MSRA: variants seen among roughly 807,000 people sequenced by gnomAD.
MSRA encodes mitochondrial peptide methionine sulfoxide reductase.
MSRA carries 54 observed loss-of-function variants against 31.3 expected under a neutral mutation model. The observed-to-expected ratio is 1.73, with a 90% CI of 1.39 to 2.17. MSRA has a LOEUF of 2.17. MSRA is among the 30% of genes most tolerant of loss of function. The pLI, the probability that MSRA is intolerant of heterozygous loss-of-function variation, is 0.00. For missense variants in MSRA, 507 were observed against 300.9 expected (o/e 1.69, Z -5.07); for synonymous variants, 169 against 116.5 (o/e 1.45, Z -2.90).
chr8:10,303,074 C>T (rs1055416081), intron 4 of MSRA, among the ~76,000 whole-genome samples: 5 of 152,204 alleles, frequency 3.3e-5, no homozygotes, highest in African/African-American at 1.2e-4. Flanking sequence ...AGCCATTTGA[C>T]TGTCAAAGTC....
chr8:10,065,394 T>C (rs1797406848), intron 1 of MSRA, among the ~76,000 whole-genome samples: 2 of 152,228 alleles, frequency 1.3e-5, no homozygotes, highest in South Asian at 4.1e-4. Context: ...TTTTTTTTCT[T>C]CAGGCTTATG....
intron 5 of MSRA, among the ~76,000 whole-genome samples, chr8:10,377,324 C>T (rs761659380): frequency 1.3e-5 from 2 of 152,264 alleles, no homozygotes; most frequent in Non-Finnish European, 2.9e-5. Context: ...CTGCCAGCAT[C>T]TACGTGGGAC....
chr8:10,190,820 T>A (rs1161092935), intron 1 of MSRA, among the ~76,000 whole-genome samples: 1 of 152,220 alleles, frequency 6.6e-6, no homozygotes, highest in Non-Finnish European at 1.5e-5. Context: ...TGTGTTCAAC[T>A]GGTATTTTTT....
In MSRA at chr8:10,407,961, T is replaced by A. The variant is rs192236602; in HGVS notation, c.544-20187T>A. Among the ~76,000 whole-genome samples, 22 of 152,336 alleles carry A rather than the reference T, an allele frequency of 1.4e-4. No homozygotes were observed. The East Asian group carries it at 4.2e-3, about 29-fold the overall frequency. On this transcript the variant is annotated intron_variant, in intron 5 of 5. Coordinates refer to ENST00000317173, the MANE Select transcript of MSRA (RefSeq NM_012331.5). Reference sequence around the variant, plus strand: ...AGATGCACCGAATCTTTGAGTAGGTTAATAGGATTGCAAAGAAGAACCAAT... The same window carrying A: ...AGATGCACCGAATCTTTGAGTAGGTAAATAGGATTGCAAAGAAGAACCAAT...
intron 3 of MSRA, among the ~76,000 whole-genome samples, chr8:10,290,091 A>T (rs1157320562): frequency 6.6e-6 from 1 of 152,206 alleles, no homozygotes; most frequent in Admixed American, 6.5e-5. Flanking sequence ...TCTCTAGCAG[A>T]TTATGCCCTC....
At chr8:10,064,587 T>C (rs1440066035) in intron 1 of MSRA, among the ~76,000 whole-genome samples, 5 of 152,110 alleles carry the variant, frequency 3.3e-5, no homozygotes, top group Non-Finnish European at 5.9e-5. Context: ...AAATACAAAA[T>C]TTAGGAACAT....
At chr8:10,196,481 C>T (rs1003846586) in intron 1 of MSRA, among the ~76,000 whole-genome samples, 1 of 151,826 alleles carries the variant, frequency 6.6e-6, no homozygotes, top group East Asian at 1.9e-4. Context: ...AACTTTGCTG[C>T]TTCTGTGGGT....
At chr8:10,126,537 A>C (rs1801510114) in intron 1 of MSRA, among the ~76,000 whole-genome samples, 1 of 151,798 alleles carries the variant, frequency 6.6e-6, no homozygotes, top group South Asian at 2.1e-4. Context: ...TTCTTTTGAG[A>C]TGGGGTCTTC....
intron 1 of MSRA, among the ~76,000 whole-genome samples, chr8:10,188,525 T>C (rs1205649980): frequency 6.6e-6 from 1 of 152,212 alleles, no homozygotes; most frequent in Non-Finnish European, 1.5e-5. Flanking sequence ...GGAACTGTAT[T>C]CAGGTTGTGA....
intron 1 of MSRA, among the ~76,000 whole-genome samples, chr8:10,186,023 G>C (rs563072355): frequency 1.3e-5 from 2 of 152,064 alleles, no homozygotes; most frequent in African/African-American, 2.4e-5. Context: ...CCTGACCATG[G>C]CACTTTCCAC....
At chr8:10,082,346 G>T (rs568256806) in intron 1 of MSRA, among the ~76,000 whole-genome samples, 1 of 152,234 alleles carries the variant, frequency 6.6e-6, no homozygotes, top group African/African-American at 2.4e-5. Flanking sequence ...CATCACGGAA[G>T]GGGGACCTCT....
chr8:10,248,558 G>T (rs1329321496), intron 3 of MSRA, among the ~76,000 whole-genome samples: 2 of 152,238 alleles, frequency 1.3e-5, no homozygotes, highest in Non-Finnish European at 2.9e-5. Context: ...CTCAACAGGG[G>T]AGAAGTGAGC....
At chr8:10,093,703 T>A (rs769200987) in intron 1 of MSRA, among the ~76,000 whole-genome samples, 2 of 152,252 alleles carry the variant, frequency 1.3e-5, no homozygotes, top group African/African-American at 2.4e-5. Context: ...TGCAGTTACC[T>A]TTATACTTAC....
chr8:10,290,691 G>C lies in MSRA; in HGVS notation c.332-10843G>C, dbSNP rs570824753. ...TGTTAAATTGTGAACCACTCTCCTTGTGTAGCCCACTGACAACAAGGCACA... is the reference window on the plus strand; with the variant it reads ...TGTTAAATTGTGAACCACTCTCCTTCTGTAGCCCACTGACAACAAGGCACA... On this transcript the variant is annotated intron_variant, in intron 3 of 5. Coordinates refer to ENST00000317173, the MANE Select transcript of MSRA (RefSeq NM_012331.5). Among the ~76,000 whole-genome samples the C allele has an allele frequency of 3.3e-5, 5 of 152,286 alleles. No individual in the cohort carries two copies. The East Asian group carries it at 5.8e-4, about 18-fold the overall frequency.
chr8:10,279,505 AC>A (rs1799503611), intron 3 of MSRA, among the ~76,000 whole-genome samples: 1 of 151,778 alleles, frequency 6.6e-6, no homozygotes, highest in Non-Finnish European at 1.5e-5. Context: ...TCATCCTCCC[AC>A]CCTACCCCCC....
intron 3 of MSRA, among the ~76,000 whole-genome samples, chr8:10,271,794 C>A: frequency 6.6e-6 from 1 of 151,724 alleles, no homozygotes; most frequent in East Asian, 1.9e-4. Flanking sequence ...TCTTGGCTCA[C>A]CGCAACCTCG....
intron 2 of MSRA, among the ~76,000 whole-genome samples, chr8:10,220,213 T>C (rs899835250): frequency 1.3e-5 from 2 of 152,212 alleles, no homozygotes; most frequent in Non-Finnish European, 2.9e-5. Context: ...TGTCCCAGAC[T>C]TACACAAAGA....
At chr8:10,062,259 C>T (rs1797240930) in intron 1 of MSRA, among the ~76,000 whole-genome samples, 4 of 152,152 alleles carry the variant, frequency 2.6e-5, no homozygotes, top group Admixed American at 1.3e-4. Context: ...CTGGCCCTGC[C>T]CTCCTGTTTC....
chr8:10,258,511 G>A (rs766518750), intron 3 of MSRA, among the ~76,000 whole-genome samples: 1 of 152,164 alleles, frequency 6.6e-6, no homozygotes, highest in Non-Finnish European at 1.5e-5. Flanking sequence ...ATAGGCTCCT[G>A]ATCAATGCCG....
Sources: allele counts gnomAD v4.1 joint callset (sites outside exome capture counted in the v4.1 genomes callset), GRCh38; gene constraint gnomAD v4.1.1; transcripts MANE v1.5; gene names NCBI Gene and HGNC (gene_info 2026-07-23, HGNC 2026-07-21).